JARID2: variants seen among roughly 807,000 people sequenced by gnomAD.
JARID2 encodes the protein jumonji and AT-rich interaction domain containing 2.
Under a neutral mutation model 125.6 loss-of-function variants are expected in JARID2, and 21 were observed. The observed-to-expected ratio is 0.17, with a 90% CI of 0.12 to 0.24. The LOEUF (loss-of-function observed/expected upper bound fraction) is 0.24. Among genes scored for constraint, JARID2 ranks in the 10% least tolerant of loss-of-function variants. The pLI, the probability that JARID2 is intolerant of heterozygous loss-of-function variation, is 1.00. For synonymous variants in JARID2, 736 were observed against 661.6 expected, an observed-to-expected ratio of 1.11 and a Z score of -1.73; for missense variants, 1,303 against 1,639.6, an observed-to-expected ratio of 0.79 and a Z score of 3.55.
intron 1 of JARID2, among the ~76,000 whole-genome samples, chr6:15,323,997 A>G (rs1762446843): frequency 6.6e-6 from 1 of 150,826 alleles, no homozygotes; most frequent in Non-Finnish European, 1.5e-5. Flanking sequence ...CCTGGCTAAC[A>G]TGGTGAAACC....
chr6:15,488,271 A>G (rs943519186), intron 6 of JARID2, among the ~76,000 whole-genome samples: 1 of 152,128 alleles, frequency 6.6e-6, no homozygotes, highest in Non-Finnish European at 1.5e-5. Context: ...CTGGACATTG[A>G]TTTCTCACAA....
At chr6:15,368,571 G>A (rs949993601) in intron 1 of JARID2, 8 of 363,884 alleles carry the variant, frequency 2.2e-5, no homozygotes, top group African/African-American at 1.7e-4. Flanking sequence ...GTTTTAAAGA[G>A]AAGTCATCCC....
chr6:15,406,285 T>C (rs1465070347), intron 2 of JARID2, among the ~76,000 whole-genome samples: 1 of 152,070 alleles, frequency 6.6e-6, no homozygotes, highest in African/African-American at 2.4e-5. Flanking sequence ...ATTACAAAAA[T>C]TAGCTGAGCG....
chr6:15,362,705 A>T (rs1252420293), intron 1 of JARID2, among the ~76,000 whole-genome samples: 1 of 152,168 alleles, frequency 6.6e-6, no homozygotes, highest in East Asian at 1.9e-4. Context: ...AAGTGGTGAC[A>T]TGGATGGTGT....
intron 1 of JARID2, among the ~76,000 whole-genome samples, chr6:15,343,304 A>AT (rs1439499390): frequency 6.7e-6 from 1 of 150,020 alleles, no homozygotes; most frequent in African/African-American, 2.5e-5. Context: ...AAAAAAAAAA[A>AT]GCTCATGAGC....
chr6:15,329,650 C>G (rs561730999), intron 1 of JARID2, among the ~76,000 whole-genome samples: 1 of 152,284 alleles, frequency 6.6e-6, no homozygotes, highest in South Asian at 2.1e-4. Context: ...GGTCAGCCAG[C>G]CATTCGGATT....
chr6:15,504,380 C>A, intron 8 of JARID2, 120 bp from the exon 9 acceptor site: 2 of 707,046 alleles, frequency 2.8e-6, no homozygotes, highest in Admixed American at 2.0e-5. Context: ...ACTCAGAATA[C>A]AAGGTGGCCC....
At chr6:15,328,756 C>G (rs1184658414) in intron 1 of JARID2, among the ~76,000 whole-genome samples, 1 of 152,226 alleles carries the variant, frequency 6.6e-6, no homozygotes, top group East Asian at 1.9e-4. Flanking sequence ...TCCTCTGTTT[C>G]AAATTCACGA....
At chr6:15,516,120 C>A (rs1265179616) in intron 16 of JARID2, among the ~76,000 whole-genome samples, 1 of 151,924 alleles carries the variant, frequency 6.6e-6, no homozygotes, top group Admixed American at 6.6e-5. Flanking sequence ...GTTTCCTGTT[C>A]TTCCTGTCCT....
rs749002788 is a variant in JARID2 at position 15,496,098 on chromosome 6, G to GT, written c.907-27dup. 7.7e-6 allele frequency: 12 copies of GT among 1,562,130 alleles called. No homozygotes were observed. In the Admixed American group the frequency reaches 8.9e-5, roughly 12 times the overall value. ...TTTTAGTGGCAGGTACTAATTCTGC[G>GT]TTTTTTTCCACCTCTGCTTCTGCTG... On this transcript the variant is annotated intron_variant, in intron 6 of 17. Coordinates refer to ENST00000341776, the MANE Select transcript of JARID2 (RefSeq NM_004973.4).
intron 12 of JARID2, 51 bp downstream of exon 12, chr6:15,508,505 C>A (rs377336648): frequency 1.2e-4 from 118 of 968,464 alleles, no homozygotes; most frequent in Non-Finnish European, 2.0e-4. Context: ...ACTACTATTA[C>A]CACATGAAGT....
chr6:15,365,127 A>G (rs1405813072), intron 1 of JARID2, among the ~76,000 whole-genome samples: 1 of 152,214 alleles, frequency 6.6e-6, no homozygotes, highest in African/African-American at 2.4e-5. Flanking sequence ...GTGAAGTCAT[A>G]TATAGTTGCA....
At position 15,512,240 on chromosome 6, in the gene JARID2, C is replaced by T. The variant is rs747398321; in HGVS notation, c.2985C>T (p.Ile995=). Residue 995 remains isoleucine, a synonymous_variant, in exon 14 of 18, where the codon ATC becomes ATT. Transcript: ENST00000341776. ...CGGAGGTGCTGTGCAAAGAGGGGAT[C>T]AAGGTGCACAGGACCGTGCAGCAGA... ...ISPEVLCKEG[I]KVHRTVQQSG... The T allele has an allele frequency of 1.9e-6, 3 of 1,614,126 alleles. No homozygotes were observed. The highest frequency in any genetic ancestry group is 1.1e-5 in the South Asian group (1 of 91,078).
At chr6:15,333,987 T>C (rs570066383) in intron 1 of JARID2, among the ~76,000 whole-genome samples, 21 of 152,214 alleles carry the variant, frequency 1.4e-4, no homozygotes, top group South Asian at 2.1e-4. Context: ...ACACAAAATA[T>C]ATTTAGTGGG....
At chr6:15,503,698 C>T (rs1770855128) in intron 8 of JARID2, among the ~76,000 whole-genome samples, 10 of 152,188 alleles carry the variant, frequency 6.6e-5, no homozygotes, top group Admixed American at 6.5e-4. Flanking sequence ...CATAGGTGCT[C>T]AGGAGATATT....
intron 3 of JARID2, among the ~76,000 whole-genome samples, chr6:15,443,792 A>G (rs1767546458): frequency 6.6e-6 from 1 of 152,126 alleles, no homozygotes; most frequent in South Asian, 2.1e-4. Flanking sequence ...AGTCCTTAAA[A>G]AAACCACCTA....
At chr6:15,469,774 A>G (rs1768981015) in intron 5 of JARID2, among the ~76,000 whole-genome samples, 3 of 152,164 alleles carry the variant, frequency 2.0e-5, no homozygotes. Context: ...AAGGTTGTCC[A>G]GTAGACATTG....
intron 2 of JARID2, among the ~76,000 whole-genome samples, chr6:15,387,164 G>A (rs2237160): frequency 0.51 from 77,019 of 151,960 alleles, 19,576 homozygotes; most frequent in South Asian, 0.58. Flanking sequence ...TTGCTAGTGC[G>A]GTGTCTTTAG....
At position 15,496,820 on chromosome 6, in the gene JARID2, C is replaced by A; in HGVS notation, c.1595C>A (p.Ser532Tyr). 1 of 1,604,084 alleles carries A rather than the reference C, an allele frequency of 6.2e-7. No homozygotes were observed. The change falls in exon 7 of 18, where the codon TCC (serine) becomes TAC (tyrosine). Residue 532 changes from serine (S) to tyrosine (Y), a missense_variant. By Grantham distance (144) the Ser-to-Tyr change is moderately radical. Around this residue, in one of 11 missense-constraint regions of JARID2, gnomAD observed 651 missense variants for 581.6 expected, o/e 1.12. Coordinates refer to ENST00000341776, the MANE Select transcript of JARID2 (RefSeq NM_004973.4). ...AATCGTTCTACCTCGCAACCGGAGTCCGTGCACAAGCCGCAGGACTCGGGC... is the reference window on the plus strand; with the variant it reads ...AATCGTTCTACCTCGCAACCGGAGTACGTGCACAAGCCGCAGGACTCGGGC... ...CENRSTSQPE[S>Y]VHKPQDSGKA...
Sources: allele counts gnomAD v4.1 joint callset (sites outside exome capture counted in the v4.1 genomes callset), GRCh38; gene constraint gnomAD v4.1.1; regional missense constraint gnomAD v4.1.1; transcripts MANE v1.5; gene names NCBI Gene and HGNC (gene_info 2026-07-23, HGNC 2026-07-21).